CCPG1: variants seen among roughly 807,000 people sequenced by gnomAD.
CCPG1 encodes the protein cell cycle progression protein 1.
Under a neutral mutation model 81.3 loss-of-function variants are expected in CCPG1, and 46 were observed. The ratio of observed to expected loss-of-function variants is 0.57; its 90% CI spans 0.45 to 0.72. The LOEUF (loss-of-function observed/expected upper bound fraction) is 0.72, where lower values mean the gene tolerates loss of function less well. Ranked by LOEUF, CCPG1 falls within the 30% of genes least tolerant of loss-of-function variation. The pLI is 0.00. For synonymous variants in CCPG1, 330 were observed against 305.2 expected, an observed-to-expected ratio of 1.08 and a Z score of -0.85; for missense variants, 902 against 937.6, an observed-to-expected ratio of 0.96 and a Z score of 0.50.
At chr15:55,374,026 A>T (rs2056507244) in intron 5 of CCPG1, 1 of 374,048 alleles carries the variant, frequency 2.7e-6, no homozygotes, top group East Asian at 8.9e-5. Flanking sequence ...CAGCTCCTTT[A>T]CAAGAGATTC....
At chr15:55,395,854 C>G (rs1201431201) in intron 1 of CCPG1, among the ~76,000 whole-genome samples, 3 of 152,044 alleles carry the variant, frequency 2.0e-5, no homozygotes, top group African/African-American at 7.2e-5. Flanking sequence ...GTTAATTGTT[C>G]TTTACAGAAC....
chr15:55,378,476 CTAATA>C, intron 3 of CCPG1, 100 bp from the exon 4 acceptor site: 2 of 641,792 alleles, frequency 3.1e-6, no homozygotes, highest in Non-Finnish European at 5.3e-6. Flanking sequence ...AAATCTCTTC[CTAATA>C]TGTTAGGATA....
chr15:55,381,044 G>T (rs888826954), intron 3 of CCPG1, among the ~76,000 whole-genome samples: 14 of 152,060 alleles, frequency 9.2e-5, no homozygotes, highest in Non-Finnish European at 1.9e-4. Flanking sequence ...GGCTGAGGCA[G>T]GAGAATGGCG....
At chr15:55,372,562 GGC>G (rs2056474472) in intron 5 of CCPG1, 1 of 194,900 alleles carries the variant, frequency 5.1e-6, no homozygotes, top group African/African-American at 2.4e-5. Flanking sequence ...GGGAGGCTGA[GGC>G]AGGAGAATCA....
chr15:55,378,366 T>G lies in CCPG1; in HGVS notation c.186A>C (p.Gln62His). 3 of 1,607,124 alleles carry G rather than the reference T, an allele frequency of 1.9e-6. No homozygotes were observed. Among genetic ancestry groups the G allele is most frequent in the Non-Finnish European group, 2.6e-6 (3 of 1,175,806 alleles). Reference protein sequence around the residue: ...ALQIEQGESSQNGTVLMEETA... With the variant: ...ALQIEQGESSHNGTVLMEETA... ...TTTCTTCCATAAGCACTGTGCCATT[T>G]TGGCTGCTTTCTGATATAAAGCAAA... is the stretch of plus-strand genomic sequence containing the variant. The change falls in exon 4 of 9, where the codon CAA becomes CAC. Residue 62 changes from glutamine to histidine, a missense_variant. This residue lies in a region of CCPG1 where 746 missense variants were observed against 728.6 expected (regional missense o/e 1.02). Coordinates refer to ENST00000442196, the MANE Select transcript of CCPG1 (RefSeq NM_001204450.2).
chr15:55,362,808 G>A (rs1421869391), intron 7 of CCPG1, among the ~76,000 whole-genome samples: 2 of 152,172 alleles, frequency 1.3e-5, no homozygotes, highest in Non-Finnish European at 2.9e-5. Flanking sequence ...TTGAGGCCAA[G>A]GTGGGAGGAT....
intron 1 of CCPG1, among the ~76,000 whole-genome samples, chr15:55,400,562 C>A (rs369467831): frequency 9.1e-6 from 1 of 109,332 alleles, no homozygotes; most frequent in Admixed American, 8.0e-5. Flanking sequence ...CTCAAAAAAA[C>A]AAAAACAAAA....
Position 55,365,199 on chromosome 15 carries a change from TAA to T in CCPG1, c.815_816del (p.Phe272TyrfsTer4). On this transcript the variant is annotated frameshift_variant, in exon 7 of 9. Coordinates refer to ENST00000442196, the MANE Select transcript of CCPG1 (RefSeq NM_001204450.2). LOFTEE classifies it high-confidence loss of function. ...TTAGTGGTACATACCTTATAATCTATAAAAGATTCTTGTTCCTGTTGACACTG... is the reference window on the plus strand; with the variant it reads ...TTAGTGGTACATACCTTATAATCTATAAGATTCTTGTTCCTGTTGACACTG... ...LSQCQQEQES[F>X]IDYKSLKENL... The T allele has an allele frequency of 6.9e-7, 1 of 1,453,000 alleles. No individual in the cohort carries two copies. Among genetic ancestry groups the T allele is most frequent in the Non-Finnish European group, 9.5e-7 (1 of 1,051,164 alleles). The allele number at this position is 1,453,000 out of a possible 1,614,324, so 90.0% of individuals were successfully genotyped here.
At chr15:55,357,346 A>C in intron 8 of CCPG1, 1 of 985,154 alleles carries the variant, frequency 1.0e-6, no homozygotes, top group Middle Eastern at 5.2e-4. Context: ...TTCCTCTCCT[A>C]CTAGTATAGT....
intron 2 of CCPG1, among the ~76,000 whole-genome samples, chr15:55,386,907 A>AAT (rs1167625182): frequency 2.6e-5 from 4 of 151,742 alleles, no homozygotes; most frequent in African/African-American, 9.7e-5. Flanking sequence ...AAAAAAAAAA[A>AAT]AGTAAAGAAA....
chr15:55,372,258 T>G (rs1324732769), intron 5 of CCPG1: 5 of 584,220 alleles, frequency 8.6e-6, no homozygotes, highest in African/African-American at 1.9e-5. Flanking sequence ...CACAAGAATC[T>G]GTTAATCATA....
chr15:55,377,084 C>A lies in CCPG1; in HGVS notation c.319G>T (p.Val107Phe), dbSNP rs1595840904. Residue 107 changes from valine (V) to phenylalanine (F), a missense_variant, in exon 5 of 9, where the codon GTT becomes TTT. Physicochemically the swap from Val to Phe is conservative, Grantham distance 50. This residue lies in a region of CCPG1 where 746 missense variants were observed against 728.6 expected (regional missense o/e 1.02). Coordinates refer to ENST00000442196, the MANE Select transcript of CCPG1 (RefSeq NM_001204450.2). Reference sequence around the variant, plus strand: ...TCTAACTTAGGTGGCTCAAGGGTAACAATATCAGAATCATCACTGGCAGTT... The same window carrying A: ...TCTAACTTAGGTGGCTCAAGGGTAAAAATATCAGAATCATCACTGGCAGTT... ...IGTASDDSDI[V>F]TLEPPKLEEI... The A allele has an allele frequency of 6.2e-7, 1 of 1,613,756 alleles. No homozygotes were observed. Among genetic ancestry groups the A allele is most frequent in the Non-Finnish European group, 8.5e-7 (1 of 1,179,748 alleles).
intron 7 of CCPG1, 26 bp from the exon 8 acceptor site, chr15:55,360,970 A>T (rs1249516429): frequency 6.7e-7 from 1 of 1,487,502 alleles, no homozygotes; most frequent in Non-Finnish European, 8.9e-7. Flanking sequence ...AAAGAGAAGA[A>T]ATAAAATGTC....
At chr15:55,405,880 T>G (rs2057209017) in intron 1 of CCPG1, among the ~76,000 whole-genome samples, 1 of 152,236 alleles carries the variant, frequency 6.6e-6, no homozygotes, top group Non-Finnish European at 1.5e-5. Context: ...TTATTTGGTG[T>G]TTTTGAGACA....
chr15:55,360,467 G>T lies in CCPG1; in HGVS notation c.1306C>A (p.Arg436=), dbSNP rs376868399. The stretch of plus-strand genomic sequence containing the variant: ...CGCTGCTGTTCGAAGGTTAGCTTCC[G>T]TTCCAGCTCAGTGAGTCTTTCCCGT... The part of the protein sequence containing the change: ...ILRERLTELE[R]KLTFEQQRSD... Residue 436 remains arginine, a synonymous_variant, in exon 8 of 9, where the codon CGG becomes AGG. Coordinates refer to ENST00000442196, the MANE Select transcript of CCPG1 (RefSeq NM_001204450.2). 1.9e-6 allele frequency: 3 copies of T among 1,613,916 alleles called. No individual in the cohort carries two copies. Among genetic ancestry groups the T allele is most frequent in the African/African-American group, 2.7e-5 (2 of 74,980 alleles).
chr15:55,390,362 C>A (rs1349494488), intron 1 of CCPG1, among the ~76,000 whole-genome samples: 1 of 152,212 alleles, frequency 6.6e-6, no homozygotes, highest in Non-Finnish European at 1.5e-5. Context: ...AGCCAGCATA[C>A]AATGGTCACT....
chr15:55,378,356 C>T lies in CCPG1; in HGVS notation c.196G>A (p.Val66Met), dbSNP rs770028239. 4 of 1,610,394 alleles carry T rather than the reference C, an allele frequency of 2.5e-6. No individual in the cohort carries two copies. Among genetic ancestry groups the T allele is most frequent in the Non-Finnish European group, 3.4e-6 (4 of 1,178,102 alleles). ...EQGESSQNGT[V>M]LMEETAYPAL... Reference sequence around the variant, plus strand: ...GGATAAGCAGTTTCTTCCATAAGCACTGTGCCATTTTGGCTGCTTTCTGAT... The same window carrying T: ...GGATAAGCAGTTTCTTCCATAAGCATTGTGCCATTTTGGCTGCTTTCTGAT... Residue 66 changes from valine to methionine, a missense_variant, in exon 4 of 9, where the codon GTG becomes ATG. Physicochemically the swap from Val to Met is conservative, Grantham distance 21. Coordinates refer to ENST00000442196, the MANE Select transcript of CCPG1 (RefSeq NM_001204450.2).
intron 5 of CCPG1, among the ~76,000 whole-genome samples, chr15:55,375,765 G>C (rs560188126): frequency 3.3e-5 from 5 of 150,726 alleles, no homozygotes; most frequent in African/African-American, 1.2e-4. Flanking sequence ...CGCAATCTCA[G>C]CTCACTACAG....
At chr15:55,366,719 C>T (rs893065714) in intron 6 of CCPG1, among the ~76,000 whole-genome samples, 7 of 152,122 alleles carry the variant, frequency 4.6e-5, no homozygotes, top group Admixed American at 4.6e-4. Context: ...TTGTGGTGAG[C>T]CAAGATCGCG....
Sources: allele counts gnomAD v4.1 joint callset (sites outside exome capture counted in the v4.1 genomes callset), GRCh38; gene constraint gnomAD v4.1.1; regional missense constraint gnomAD v4.1.1; transcripts MANE v1.5; gene names NCBI Gene and HGNC (gene_info 2026-07-23, HGNC 2026-07-21).